CDH4: variants seen among roughly 807,000 people sequenced by gnomAD.
The protein encoded by CDH4 is cadherin-4.
In CDH4, 33 loss-of-function variants were observed where a neutral mutation model predicts 86.0. The ratio of observed to expected loss-of-function variants is 0.38; its 90% CI spans 0.29 to 0.51. The LOEUF (loss-of-function observed/expected upper bound fraction) is 0.51, where lower values mean the gene tolerates loss of function less well. Among genes scored for constraint, CDH4 ranks in the 20% least tolerant of loss-of-function variants. The pLI is 0.86. For missense variants in CDH4, 1,114 were observed against 1,307.4 expected (o/e 0.85, Z 2.28); for synonymous variants, 555 against 549.4 (o/e 1.01, Z -0.14).
chr20:61,792,492 C>T (rs1360351743), intron 4 of CDH4, among the ~76,000 whole-genome samples: 1 of 152,160 alleles, frequency 6.6e-6, no homozygotes, highest in Non-Finnish European at 1.5e-5. Flanking sequence ...GATTCCCGGG[C>T]TCTGTGTTCA....
chr20:61,326,715 A>G (rs567740540), intron 2 of CDH4, among the ~76,000 whole-genome samples: 77 of 152,306 alleles, frequency 5.1e-4, no homozygotes, highest in African/African-American at 1.7e-3. Flanking sequence ...TCCACAGGAC[A>G]CAGCCTCTCC....
chr20:61,593,637 G>T (rs2086533357), intron 2 of CDH4, among the ~76,000 whole-genome samples: 1 of 152,150 alleles, frequency 6.6e-6, no homozygotes, highest in African/African-American at 2.4e-5. Context: ...AATTTCTAGA[G>T]ATGTTGAATG....
chr20:61,580,316 G>A (rs567516157), intron 2 of CDH4, among the ~76,000 whole-genome samples: 14 of 152,168 alleles, frequency 9.2e-5, no homozygotes, highest in Non-Finnish European at 1.9e-4. Context: ...TTAGCCAGGC[G>A]TGGTGGTGCA....
intron 4 of CDH4, among the ~76,000 whole-genome samples, chr20:61,784,249 G>A (rs113441283): frequency 9.6e-4 from 4 of 4,162 alleles, no homozygotes; most frequent in Admixed American, 2.1e-3. Flanking sequence ...TGTGCCCCCA[G>A]GAGAATGTAA....
In CDH4 at chr20:61,875,576, G is replaced by A. The variant is rs572059104; in HGVS notation, c.1050+1676G>A. On this transcript the variant is annotated intron_variant, in intron 7 of 15. Transcript: ENST00000614565. ...GCACAGGCGAGGACTTTTGATGCAG[G>A]ATTTACATAAACGTTCTTAGAGTGA... is the stretch of plus-strand genomic sequence containing the variant. 2.6e-5 allele frequency among the ~76,000 whole-genome samples: 4 copies of A among 152,334 alleles called. No homozygotes were observed. In the East Asian group the frequency reaches 5.8e-4, roughly 22 times the overall value.
intron 2 of CDH4, among the ~76,000 whole-genome samples, chr20:61,358,397 C>G (rs572454578): frequency 6.6e-6 from 1 of 152,192 alleles, no homozygotes; most frequent in East Asian, 1.9e-4. Context: ...GCTCAGGGTC[C>G]GGCATGGCCA....
intron 2 of CDH4, among the ~76,000 whole-genome samples, chr20:61,271,229 C>G (rs2084181399): frequency 6.6e-6 from 1 of 152,168 alleles, no homozygotes; most frequent in African/African-American, 2.4e-5. Flanking sequence ...ATGGCCCCAT[C>G]TCATCTGCTT....
At chr20:61,649,653 A>G (rs2087101025) in intron 2 of CDH4, among the ~76,000 whole-genome samples, 2 of 152,172 alleles carry the variant, frequency 1.3e-5, no homozygotes, top group South Asian at 4.1e-4. Flanking sequence ...GCGTGGCTGA[A>G]CGGGGGCTCG....
intron 2 of CDH4, among the ~76,000 whole-genome samples, chr20:61,614,414 C>A (rs1028925800): frequency 3.9e-5 from 6 of 152,102 alleles, no homozygotes; most frequent in South Asian, 2.1e-4. Context: ...CTCCATTTGT[C>A]TGTCCAGTAA....
At chr20:61,264,463 C>G (rs1377753921) in intron 2 of CDH4, among the ~76,000 whole-genome samples, 5 of 134,172 alleles carry the variant, frequency 3.7e-5, no homozygotes, top group Admixed American at 7.5e-5. Context: ...TACACATACC[C>G]CAGTGGCTCC....
intron 8 of CDH4, among the ~76,000 whole-genome samples, chr20:61,899,029 G>A (rs1398095268): frequency 6.6e-6 from 1 of 152,168 alleles, no homozygotes; most frequent in East Asian, 1.9e-4. Flanking sequence ...GGGCGCAGTG[G>A]CCCAAGCCTG....
intron 2 of CDH4, among the ~76,000 whole-genome samples, chr20:61,727,779 A>G (rs2088133133): frequency 6.6e-6 from 1 of 152,168 alleles, no homozygotes; most frequent in African/African-American, 2.4e-5. Flanking sequence ...TCCCTTGAGA[A>G]TGGCACTAGG....
chr20:61,758,046 A>G (rs1425806226), intron 3 of CDH4, among the ~76,000 whole-genome samples: 3 of 152,000 alleles, frequency 2.0e-5, no homozygotes, highest in African/African-American at 7.3e-5. Context: ...GCCCTCACCG[A>G]GCTTACCTTC....
At chr20:61,647,998 T>C (rs2087083292) in intron 2 of CDH4, among the ~76,000 whole-genome samples, 1 of 152,136 alleles carries the variant, frequency 6.6e-6, no homozygotes, top group Non-Finnish European at 1.5e-5. Context: ...GAACCCTGAC[T>C]GCTGGGTGCC....
At chr20:61,795,260 G>T (rs1251921724) in intron 4 of CDH4, among the ~76,000 whole-genome samples, 2 of 149,454 alleles carry the variant, frequency 1.3e-5, no homozygotes, top group East Asian at 4.0e-4. Flanking sequence ...AAAATCCTAA[G>T]TTTAGTCCTC....
intron 2 of CDH4, among the ~76,000 whole-genome samples, chr20:61,486,080 T>C (rs2085594946): frequency 1.3e-5 from 2 of 152,232 alleles, no homozygotes; most frequent in East Asian, 1.9e-4. Flanking sequence ...TGAGCCATGC[T>C]TTCTTTAGAC....
chr20:61,401,928 C>A (rs899674836), intron 2 of CDH4, among the ~76,000 whole-genome samples: 5 of 152,186 alleles, frequency 3.3e-5, no homozygotes, highest in Non-Finnish European at 7.3e-5. Flanking sequence ...GAAGAACTGA[C>A]CAGCTGCACA....
chr20:61,735,017 C>G (rs6142845), intron 2 of CDH4, among the ~76,000 whole-genome samples: 1 of 152,126 alleles, frequency 6.6e-6, no homozygotes, highest in Non-Finnish European at 1.5e-5. Context: ...TGGCCCCTCC[C>G]GGCAAGCACC....
At chr20:61,314,324 G>A (rs1337473834) in intron 2 of CDH4, among the ~76,000 whole-genome samples, 2 of 152,192 alleles carry the variant, frequency 1.3e-5, no homozygotes, top group African/African-American at 4.8e-5. Flanking sequence ...GCTTCTATGA[G>A]TTTGACGTTT....
Sources: gnomAD v4.1 joint callset for allele counts (sites outside exome capture counted in the v4.1 genomes callset) on GRCh38, gnomAD v4.1.1 for gene constraint, MANE v1.5 for transcripts, NCBI Gene and HGNC (gene_info 2026-07-23, HGNC 2026-07-21) for gene names.